NALCN: variants seen among roughly 807,000 people sequenced by gnomAD.
NALCN encodes the protein sodium leak channel NALCN.
Under a neutral mutation model 225.3 loss-of-function variants are expected in NALCN, and 111 were observed. The observed-to-expected ratio is 0.49, with a 90% CI of 0.42 to 0.58. The LOEUF is 0.58. Ranked by LOEUF, NALCN falls within the 20% of genes least tolerant of loss-of-function variation. The pLI is 0.00. For missense variants in NALCN, 1,378 were observed against 2,202.4 expected, an observed-to-expected ratio of 0.63 and a Z score of 7.49; for synonymous variants, 764 against 769.0, an observed-to-expected ratio of 0.99 and a Z score of 0.11.
chr13:101,157,701 A>C (rs1194061524), intron 15 of NALCN, among the ~76,000 whole-genome samples: 3 of 151,034 alleles, frequency 2.0e-5, no homozygotes, highest in Non-Finnish European at 4.4e-5. Flanking sequence ...TCCTCACCCC[A>C]TTACATGACA....
intron 6 of NALCN, among the ~76,000 whole-genome samples, chr13:101,353,767 T>C (rs982538232): frequency 6.6e-6 from 1 of 152,206 alleles, no homozygotes; most frequent in Non-Finnish European, 1.5e-5. Context: ...TTGTAAAGAA[T>C]TGTAGCCATC....
chr13:101,199,441 C>T (rs1163947460), intron 13 of NALCN, among the ~76,000 whole-genome samples: 1 of 151,648 alleles, frequency 6.6e-6, no homozygotes, highest in Non-Finnish European at 1.5e-5. Flanking sequence ...AAATGTGGCA[C>T]ATATACACAA....
chr13:101,191,831 T>G, intron 14 of NALCN, 86 bp downstream of exon 14: 2 of 1,413,660 alleles, frequency 1.4e-6, no homozygotes, highest in South Asian at 2.7e-5. Context: ...GCTCCCATTT[T>G]GAAATTGACA....
chr13:101,360,138 TTCTC>T (rs770305459), intron 6 of NALCN, among the ~76,000 whole-genome samples: 5 of 143,790 alleles, frequency 3.5e-5, no homozygotes, highest in Non-Finnish European at 6.1e-5. Flanking sequence ...TTTTCTTTCT[TTCTC>T]TCTTTTTTTC....
chr13:101,381,912 C>G (rs751465514), intron 3 of NALCN, among the ~76,000 whole-genome samples: 5 of 151,890 alleles, frequency 3.3e-5, no homozygotes, highest in Middle Eastern at 3.2e-3. Context: ...AGAGTTGTCA[C>G]TTGTTTTTAA....
At chr13:101,151,621 G>T (rs7334212) in intron 15 of NALCN, among the ~76,000 whole-genome samples, 119,220 of 152,222 alleles carry the variant, frequency 0.78, 46,911 homozygotes, top group East Asian at 0.99. Context: ...TAAGGCTGAA[G>T]TCTCTTTGCT....
At position 101,111,214 on chromosome 13, in the gene NALCN, T is replaced by C. The variant is rs1376416693; in HGVS notation, c.2205A>G (p.Arg735=). Residue 735 remains arginine (R), a synonymous_variant, in exon 19 of 44, where the codon CGA becomes CGG. Coordinates refer to ENST00000251127, the MANE Select transcript of NALCN (RefSeq NM_052867.4). ...CAAATGATCCGCTCAGCATGCGCTG[T>C]CGGGTGCAAGCTCTAGGAAAAAAAA... ...AVTKILRACT[R]QRMLSGSFEG... 6.3e-7 allele frequency: 1 copy of C among 1,593,486 alleles called. No homozygotes were observed. The highest frequency in any genetic ancestry group is 8.6e-7 in the Non-Finnish European group (1 of 1,165,776).
intron 10 of NALCN, among the ~76,000 whole-genome samples, chr13:101,263,258 G>A (rs1436546841): frequency 6.6e-6 from 1 of 152,176 alleles, no homozygotes; most frequent in Non-Finnish European, 1.5e-5. Context: ...CAATCAACAT[G>A]TTTATATGCA....
intron 3 of NALCN, 138 bp downstream of exon 3, chr13:101,395,044 GC>G (rs1289099061): frequency 1.4e-6 from 1 of 729,502 alleles, no homozygotes; most frequent in Non-Finnish European, 2.1e-6. Context: ...CTGGAGTTAT[GC>G]CTTTTTAAAA....
intron 17 of NALCN, among the ~76,000 whole-genome samples, chr13:101,135,506 C>T (rs1344363829): frequency 6.6e-6 from 1 of 152,186 alleles, no homozygotes; most frequent in Non-Finnish European, 1.5e-5. Flanking sequence ...TCAAGCAATT[C>T]TCATGCCTCA....
chr13:101,375,790 C>T (rs539708593), intron 6 of NALCN, among the ~76,000 whole-genome samples: 15 of 152,016 alleles, frequency 9.9e-5, no homozygotes, highest in Non-Finnish European at 1.9e-4. Flanking sequence ...TCCCTGCTGC[C>T]CTGAAATCTG....
intron 10 of NALCN, among the ~76,000 whole-genome samples, chr13:101,275,589 A>G (rs1285209577): frequency 6.6e-6 from 1 of 152,128 alleles, no homozygotes; most frequent in East Asian, 1.9e-4. Flanking sequence ...AGACCACAAT[A>G]GCGTGTAGTC....
intron 7 of NALCN, among the ~76,000 whole-genome samples, chr13:101,298,126 A>G (rs2043823255): frequency 6.6e-6 from 1 of 152,232 alleles, no homozygotes; most frequent in African/African-American, 2.4e-5. Flanking sequence ...CTAAACTCCA[A>G]ATAGATACTT....
intron 12 of NALCN, among the ~76,000 whole-genome samples, chr13:101,236,752 T>G: frequency 9.5e-6 from 1 of 104,756 alleles, no homozygotes; most frequent in African/African-American, 3.7e-5. Context: ...CATCACACTC[T>G]GGGGCCTGTT....
At chr13:101,178,574 C>T (rs185078099) in intron 14 of NALCN, among the ~76,000 whole-genome samples, 110 of 152,272 alleles carry the variant, frequency 7.2e-4, no homozygotes, top group African/African-American at 2.6e-3. Flanking sequence ...CAAGAGCCTC[C>T]GTCTCCCCTT....
intron 11 of NALCN, among the ~76,000 whole-genome samples, chr13:101,243,163 T>C (rs1303519441): frequency 9.8e-6 from 1 of 101,576 alleles, no homozygotes; most frequent in Non-Finnish European, 2.2e-5. Context: ...ATCTGTTCGC[T>C]TTTTCCTTCA....
intron 3 of NALCN, among the ~76,000 whole-genome samples, chr13:101,387,425 A>C (rs1005380989): frequency 2.0e-5 from 3 of 152,140 alleles, no homozygotes; most frequent in Non-Finnish European, 4.4e-5. Context: ...TATTTGCACA[A>C]CTCTGTTCCA....
chr13:101,337,195 G>A (rs2045403602), intron 7 of NALCN, among the ~76,000 whole-genome samples: 2 of 152,074 alleles, frequency 1.3e-5, no homozygotes, highest in South Asian at 4.1e-4. Context: ...GAATACAAGG[G>A]ACTAGACTTA....
In NALCN at chr13:101,237,743, T is replaced by C; in HGVS notation, c.1434+12A>G. ...TAAATTTCTAAAGACAAATAGGCAT[T>C]ATTTTTATTACCTGAAAGTACGTGA... On this transcript the variant is annotated intron_variant, in intron 12 of 43. Coordinates refer to ENST00000251127, the MANE Select transcript of NALCN (RefSeq NM_052867.4). 1 of 1,547,496 alleles carries C rather than the reference T, an allele frequency of 6.5e-7. No individual in the cohort carries two copies. Among genetic ancestry groups the C allele is most frequent in the Non-Finnish European group, 8.7e-7 (1 of 1,150,528 alleles).
Sources: allele counts gnomAD v4.1 joint callset (sites outside exome capture counted in the v4.1 genomes callset), GRCh38; gene constraint gnomAD v4.1.1; transcripts MANE v1.5; gene names NCBI Gene and HGNC (gene_info 2026-07-23, HGNC 2026-07-21).